The following TAF1B variants were observed in gnomAD, a reference collection of about 807,000 sequenced individuals.
TAF1B encodes TATA-box binding protein associated factor, RNA polymerase I subunit B.
TAF1B carries 61 observed loss-of-function variants against 83.9 expected under a neutral mutation model. The ratio of observed to expected loss-of-function variants is 0.73; its 90% confidence interval spans 0.59 to 0.90. The LOEUF is 0.90. TAF1B is among the 40% of genes least tolerant of loss of function. The pLI is 0.00. For missense variants in TAF1B, 625 were observed against 677.0 expected, an observed-to-expected ratio of 0.92 and a Z score of 0.85; for synonymous variants, 221 against 224.6, an observed-to-expected ratio of 0.98 and a Z score of 0.14.
At chr2:9,848,786 T>C (rs1663289542) in intron 2 of TAF1B, among the ~76,000 whole-genome samples, 1 of 152,176 alleles carries the variant, frequency 6.6e-6, no homozygotes, top group African/African-American at 2.4e-5. Context: ...AGAGCCAGAA[T>C]CTTTGATATT....
intron 14 of TAF1B, 28 bp downstream of exon 14, chr2:9,919,848 T>C (rs1271170099): frequency 1.3e-6 from 2 of 1,591,914 alleles, no homozygotes; most frequent in Non-Finnish European, 1.7e-6. Context: ...AAAAGTCACA[T>C]ATAATTGAAG....
At chr2:9,898,938 C>CTT (rs368467402) in intron 8 of TAF1B, among the ~76,000 whole-genome samples, 1 of 143,038 alleles carries the variant, frequency 7.0e-6, no homozygotes, top group Non-Finnish European at 1.5e-5. Context: ...TTCCTTTTTT[C>CTT]TTTTTTTTTT....
chr2:9,914,435 T>TCAG lies in TAF1B; in HGVS notation c.1271+1188_1271+1190dup, dbSNP rs1665619701. On this transcript the variant is annotated intron_variant, in intron 12 of 14. Transcript: ENST00000263663. This position sits in a 1 kb window ranked among gnomAD's most constrained non-coding sequence, Gnocchi z 4.3. ...ATGTGTCTTAGGTCATTTTGGAGAA[T>TCAG]CAGCCTTCCTTTCTGTGGTGCTAGC... 6.6e-6 allele frequency among the ~76,000 whole-genome samples: 1 copy of TCAG among 152,104 alleles called. No homozygotes were observed. The highest frequency in any genetic ancestry group is 1.5e-5 in the Non-Finnish European group (1 of 68,002).
chr2:9,911,671 T>C, intron 11 of TAF1B, 114 bp downstream of exon 11: 1 of 596,760 alleles, frequency 1.7e-6, no homozygotes, highest in East Asian at 3.4e-5. Context: ...TAAACACATG[T>C]ATACAAATTG....
chr2:9,853,750 C>T (rs536675847), intron 4 of TAF1B, among the ~76,000 whole-genome samples: 114 of 152,174 alleles, frequency 7.5e-4, no homozygotes, highest in Admixed American at 1.2e-3. Flanking sequence ...AGTGAGCCAC[C>T]GTGCCCAGCC....
chr2:9,858,004 GC>G (rs1277926401), intron 5 of TAF1B, among the ~76,000 whole-genome samples: 1 of 152,104 alleles, frequency 6.6e-6, no homozygotes, highest in Non-Finnish European at 1.5e-5. Flanking sequence ...AATCAATCAT[GC>G]CTTCCCAACA....
intron 8 of TAF1B, among the ~76,000 whole-genome samples, chr2:9,897,366 A>T (rs453933): frequency 0.28 from 42,484 of 152,170 alleles, 6,922 homozygotes; most frequent in Middle Eastern, 0.4. Flanking sequence ...ATACTATTCT[A>T]CCACAGTCCT....
At chr2:9,854,218 T>A (rs1313388864) in intron 4 of TAF1B, 108 bp from the exon 5 acceptor site, 2 of 764,192 alleles carry the variant, frequency 2.6e-6, no homozygotes, top group Non-Finnish European at 4.4e-6. Context: ...TACTGGAAAT[T>A]TATATGTAAG....
intron 8 of TAF1B, among the ~76,000 whole-genome samples, chr2:9,886,007 A>G (rs750862048): frequency 3.9e-4 from 59 of 152,196 alleles, no homozygotes; most frequent in Non-Finnish European, 1.0e-4. Flanking sequence ...TATTTTTCCA[A>G]TAAGGAAACA....
intron 14 of TAF1B, among the ~76,000 whole-genome samples, chr2:9,921,415 A>G (rs1024397174): frequency 1.3e-5 from 2 of 152,134 alleles, no homozygotes; most frequent in African/African-American, 4.8e-5. Flanking sequence ...TGACTCAGAA[A>G]ATTTCCTCAG....
chr2:9,911,745 T>C (rs1665540539), intron 11 of TAF1B, among the ~76,000 whole-genome samples, 188 bp downstream of exon 11: 1 of 152,190 alleles, frequency 6.6e-6, no homozygotes, highest in Non-Finnish European at 1.5e-5. Flanking sequence ...TACTAAAAAA[T>C]ATCAGTGAGT....
intron 2 of TAF1B, chr2:9,846,108 C>T (rs2125132588): frequency 2.1e-6 from 1 of 471,010 alleles, no homozygotes; most frequent in Non-Finnish European, 4.4e-6. Context: ...TCCTCCTCAT[C>T]ACTAACTGTG....
chr2:9,888,063 C>A (rs2125158658), intron 8 of TAF1B, among the ~76,000 whole-genome samples: 1 of 152,086 alleles, frequency 6.6e-6, no homozygotes, highest in Admixed American at 6.6e-5. Context: ...GCAGTGATGC[C>A]CAGGCTTAAT....
At chr2:9,931,424 T>G (rs1267694945) in intron 14 of TAF1B, among the ~76,000 whole-genome samples, 1 of 152,162 alleles carries the variant, frequency 6.6e-6, no homozygotes, top group Non-Finnish European at 1.5e-5. Context: ...CCTCCACTTA[T>G]GAAGCTTAGT....
At chr2:9,912,648 A>C (rs1279096904) in intron 11 of TAF1B, among the ~76,000 whole-genome samples, 2 of 152,214 alleles carry the variant, frequency 1.3e-5, no homozygotes, top group African/African-American at 4.8e-5. Context: ...CCATGCTGTC[A>C]GCAGGGCAAA....
intron 5 of TAF1B, among the ~76,000 whole-genome samples, chr2:9,856,341 C>T (rs1278299054): frequency 1.3e-5 from 2 of 149,608 alleles, no homozygotes; most frequent in East Asian, 1.9e-4. Context: ...CTGAGGGGTT[C>T]GTTTGGAGAA....
intron 7 of TAF1B, among the ~76,000 whole-genome samples, chr2:9,880,492 A>G (rs958179392): frequency 7.4e-6 from 1 of 135,150 alleles, no homozygotes; most frequent in African/African-American, 2.9e-5. Context: ...TCAAAGAACT[A>G]TTTATAAATG....
chr2:9,844,831 T>A (rs1572205371), intron 1 of TAF1B, among the ~76,000 whole-genome samples: 1 of 152,202 alleles, frequency 6.6e-6, no homozygotes, highest in East Asian at 1.9e-4. Flanking sequence ...ATCTAGTTCC[T>A]CTGTGGTATG....
chr2:9,874,046 A>ATCTC (rs1377888823), intron 6 of TAF1B, among the ~76,000 whole-genome samples: 1 of 152,176 alleles, frequency 6.6e-6, no homozygotes, highest in Non-Finnish European at 1.5e-5. Flanking sequence ...GTAGTTCTTA[A>ATCTC]TCTCTCTTCA....
Sources: gnomAD v4.1 joint callset for allele counts (sites outside exome capture counted in the v4.1 genomes callset) on GRCh38, gnomAD v4.1.1 for gene constraint, Gnocchi (gnomAD v3.1) non-coding constraint, MANE v1.5 for transcripts, NCBI Gene and HGNC (gene_info 2026-07-23, HGNC 2026-07-21) for gene names.